The following CCDC148 variants were observed in gnomAD, a reference collection of about 807,000 sequenced individuals.
CCDC148 encodes the protein coiled-coil domain-containing protein 148.
CCDC148 carries 89 observed loss-of-function variants against 85.7 expected under a neutral mutation model. That is an observed-to-expected ratio of 1.04 (90% CI 0.87 to 1.24). The LOEUF (loss-of-function observed/expected upper bound fraction) is 1.24. CCDC148 is among the 50% of genes most tolerant of loss of function. CCDC148 has a pLI of 0.00. For synonymous variants in CCDC148, 230 were observed against 213.9 expected (o/e 1.08, Z -0.66); for missense variants, 692 against 671.7 (o/e 1.03, Z -0.33).
At chr2:158,430,839 G>A (rs1398275290) in intron 1 of CCDC148, among the ~76,000 whole-genome samples, 2 of 151,940 alleles carry the variant, frequency 1.3e-5, no homozygotes, top group African/African-American at 4.8e-5. Context: ...TCAAATAAGT[G>A]TTATGAGTAT....
chr2:158,303,072 G>A (rs1457755241), intron 9 of CCDC148, among the ~76,000 whole-genome samples: 1 of 152,076 alleles, frequency 6.6e-6, no homozygotes, highest in Admixed American at 6.5e-5. Flanking sequence ...AAGAGAGCAC[G>A]AGAGCATTAT....
Position 158,357,823 on chromosome 2 carries a change from T to C in CCDC148, c.147+626A>G, listed in dbSNP as rs115117093. Among the ~76,000 whole-genome samples the C allele has an allele frequency of 7.4e-3, 1,128 of 152,316 alleles. 20 individuals are homozygous for C. The highest frequency in any genetic ancestry group is 0.026 in the African/African-American group (1,076 of 41,568). ...AAATACAAATAACTTGTAAATTACG[T>C]AACAAGTTGCTTCACCTAACCTGTT... is the stretch of plus-strand genomic sequence containing the variant. On this transcript the variant is annotated intron_variant, in intron 2 of 13. Transcript: ENST00000283233.
rs60029346 is a variant in CCDC148 at position 158,324,287 on chromosome 2, T to C, written c.765-10393A>G. Among the ~76,000 whole-genome samples, 979 of 152,256 alleles carry C rather than the reference T, an allele frequency of 6.4e-3. 13 individuals carry two copies. The highest frequency in any genetic ancestry group is 0.022 in the African/African-American group (930 of 41,518). ...TCTTTTTTCTGTGGCTATATATAGA[T>C]GTAACGCTTTCAGAAGGAAAGAAAA... is the stretch of plus-strand genomic sequence containing the variant. On this transcript the variant is annotated intron_variant, in intron 7 of 13. Coordinates refer to ENST00000283233, the MANE Select transcript of CCDC148 (RefSeq NM_138803.4).
chr2:158,265,777 C>G (rs1345505401), intron 9 of CCDC148, among the ~76,000 whole-genome samples: 2 of 152,140 alleles, frequency 1.3e-5, no homozygotes, highest in Non-Finnish European at 2.9e-5. Context: ...GCCAACATAT[C>G]TCCAAAAGCA....
intron 1 of CCDC148, among the ~76,000 whole-genome samples, chr2:158,382,987 TAA>T (rs1426573549): frequency 6.6e-6 from 1 of 151,204 alleles, no homozygotes; most frequent in Admixed American, 6.6e-5. Flanking sequence ...GTTTTACACG[TAA>T]AAAAGTTGCC....
chr2:158,217,355 TAA>T (rs1234208585), intron 11 of CCDC148, among the ~76,000 whole-genome samples: 4 of 112,650 alleles, frequency 3.6e-5, no homozygotes, highest in South Asian at 3.1e-4. Context: ...TATATATATA[TAA>T]AATTTTGTGT....
At chr2:158,242,915 G>A (rs1187241216) in intron 10 of CCDC148, among the ~76,000 whole-genome samples, 2 of 151,952 alleles carry the variant, frequency 1.3e-5, no homozygotes, top group African/African-American at 4.8e-5. Flanking sequence ...CTTCTTAGGG[G>A]GAATGCTCAT....
intron 1 of CCDC148, among the ~76,000 whole-genome samples, chr2:158,369,293 T>C (rs545588481): frequency 6.6e-6 from 1 of 152,298 alleles, no homozygotes; most frequent in African/African-American, 2.4e-5. Context: ...TATTGATTCC[T>C]CCTATCCATG....
intron 11 of CCDC148, among the ~76,000 whole-genome samples, chr2:158,205,925 T>C (rs1365933134): frequency 6.6e-6 from 1 of 152,168 alleles, no homozygotes; most frequent in Non-Finnish European, 1.5e-5. Flanking sequence ...TCTCGCATAG[T>C]AGAGACCCTC....
intron 9 of CCDC148, among the ~76,000 whole-genome samples, chr2:158,251,695 A>C (rs1241078312): frequency 6.6e-6 from 1 of 151,852 alleles, no homozygotes; most frequent in Non-Finnish European, 1.5e-5. Flanking sequence ...CTGCCATTGA[A>C]AGAGGATGCC....
intron 1 of CCDC148, among the ~76,000 whole-genome samples, chr2:158,453,105 A>G (rs915123324): frequency 5.9e-5 from 9 of 152,270 alleles, no homozygotes; most frequent in Non-Finnish European, 1.2e-4. Context: ...ACAAAGGACT[A>G]ATAAATATTG....
At chr2:158,344,766 C>G (rs1035383513) in intron 3 of CCDC148, among the ~76,000 whole-genome samples, 2 of 152,086 alleles carry the variant, frequency 1.3e-5, no homozygotes, top group African/African-American at 4.8e-5. Flanking sequence ...AACTTGAACT[C>G]CTTGTTCATT....
chr2:158,209,725 C>T (rs1008430988), intron 11 of CCDC148, among the ~76,000 whole-genome samples: 6 of 152,066 alleles, frequency 3.9e-5, no homozygotes, highest in African/African-American at 7.2e-5. Context: ...GCTTCGTAAG[C>T]GAAGGAGAAA....
intron 1 of CCDC148, among the ~76,000 whole-genome samples, chr2:158,360,412 T>C (rs1444621197): frequency 2.0e-5 from 3 of 152,170 alleles, no homozygotes; most frequent in Middle Eastern, 3.4e-3. Flanking sequence ...AGACATCTCA[T>C]ACAGGAGAGC....
At chr2:158,340,095 G>A in intron 5 of CCDC148, 147 bp downstream of exon 5, 2 of 594,486 alleles carry the variant, frequency 3.4e-6, no homozygotes, top group Non-Finnish European at 2.7e-6. Flanking sequence ...TTAGTGGATA[G>A]AATTAGCTGC....
At chr2:158,361,377 A>G (rs1454019080) in intron 1 of CCDC148, among the ~76,000 whole-genome samples, 2 of 152,142 alleles carry the variant, frequency 1.3e-5, no homozygotes, top group Non-Finnish European at 2.9e-5. Context: ...TAATCATGAG[A>G]TTCACCAAGG....
At chr2:158,172,287 A>T (rs772737058) in intron 13 of CCDC148, 28 bp from the exon 14 acceptor site, 1 of 1,534,864 alleles carries the variant, frequency 6.5e-7, no homozygotes, top group South Asian at 1.2e-5. Flanking sequence ...CAATTTAAAT[A>T]ACAATTCATT....
intron 1 of CCDC148, chr2:158,366,073 G>T: frequency 1.3e-6 from 2 of 1,530,304 alleles, no homozygotes; most frequent in East Asian, 2.5e-5. Context: ...CATGTTTTCC[G>T]TATCTGTTAA....
chr2:158,280,463 C>G (rs1034180083), intron 9 of CCDC148, among the ~76,000 whole-genome samples: 12 of 152,064 alleles, frequency 7.9e-5, no homozygotes, highest in Non-Finnish European at 1.8e-4. Flanking sequence ...CAAAAAAAGG[C>G]AGGGGTTGCA....
Sources: allele counts gnomAD v4.1 joint callset (sites outside exome capture counted in the v4.1 genomes callset), GRCh38; gene constraint gnomAD v4.1.1; transcripts MANE v1.5; gene names NCBI Gene and HGNC (gene_info 2026-07-23, HGNC 2026-07-21).